The following UBR1 variants were observed in gnomAD, a reference collection of about 807,000 sequenced individuals.
The protein encoded by UBR1 is ubiquitin protein ligase E3 component n-recognin 1.
In UBR1, 102 loss-of-function variants were observed where a neutral mutation model predicts 242.1. The observed-to-expected ratio is 0.42, with a 90% CI of 0.36 to 0.50. The LOEUF (loss-of-function observed/expected upper bound fraction) is 0.50, where lower values mean the gene tolerates loss of function less well. UBR1 is among the 20% of genes least tolerant of loss of function. The pLI, the probability that UBR1 is intolerant of heterozygous loss-of-function variation, is 0.01. For missense variants in UBR1, 1,772 were observed against 2,101.8 expected (o/e 0.84, Z 3.07); for synonymous variants, 675 against 684.8 (o/e 0.99, Z 0.22).
intron 19 of UBR1, among the ~76,000 whole-genome samples, chr15:43,034,424 A>G (rs2033303094): frequency 6.6e-6 from 1 of 151,852 alleles, no homozygotes. Flanking sequence ...TGGGCGACAG[A>G]GTGAGACTCT....
intron 35 of UBR1, among the ~76,000 whole-genome samples, chr15:42,986,962 CAGCA>C (rs2032471370): frequency 6.6e-6 from 1 of 152,242 alleles, no homozygotes; most frequent in Non-Finnish European, 1.5e-5. Context: ...TGACAGGGAG[CAGCA>C]GGAAGCCGCC....
At chr15:43,082,773 G>A (rs542086167) in intron 2 of UBR1, 57 bp from the exon 3 acceptor site, 2 of 1,266,000 alleles carry the variant, frequency 1.6e-6, no homozygotes, top group Admixed American at 1.7e-5. Context: ...TGATGCTCAA[G>A]GTATGACTAT....
In UBR1 at chr15:43,032,617, T is replaced by C. The variant is rs540444912; in HGVS notation, c.2205A>G (p.Gln735=). 8 of 1,527,938 alleles carry C rather than the reference T, an allele frequency of 5.2e-6. No individual in the cohort carries two copies. The highest frequency in any genetic ancestry group is 2.3e-5 in the South Asian group (2 of 88,370). 94.6% of individuals were successfully genotyped at this position (1,527,938 alleles called of 1,614,324 possible). ...ISTKDQDLIK[Q]YNTLIEEMLQ... ...GCATTTCTTCTATTAGTGTATTATA[T>C]TGTTTAATCAAATCCTATAGAATCG... is the stretch of plus-strand genomic sequence containing the variant. Residue 735 remains glutamine (Q), a synonymous_variant, in exon 20 of 47, where the codon CAA becomes CAG. Transcript: ENST00000290650.
At chr15:43,095,214 A>T (rs1324246178) in intron 1 of UBR1, among the ~76,000 whole-genome samples, 1 of 152,240 alleles carries the variant, frequency 6.6e-6, no homozygotes, top group African/African-American at 2.4e-5. Context: ...CAGTGGCTAA[A>T]GTCATTTCTG....
intron 6 of UBR1, among the ~76,000 whole-genome samples, chr15:43,060,708 G>C (rs993223787): frequency 1.3e-5 from 2 of 152,040 alleles, no homozygotes; most frequent in African/African-American, 4.8e-5. Flanking sequence ...CTATGAAGAA[G>C]GTATACCACA....
At chr15:42,955,055 T>C (rs1401409669) in intron 44 of UBR1, among the ~76,000 whole-genome samples, 5 of 152,076 alleles carry the variant, frequency 3.3e-5, no homozygotes, top group Admixed American at 3.3e-4. Flanking sequence ...TAATCCCAGC[T>C]ACTCGGAAGG....
chr15:43,001,441 C>T (rs1474850870), intron 32 of UBR1, among the ~76,000 whole-genome samples: 2 of 152,238 alleles, frequency 1.3e-5, no homozygotes, highest in African/African-American at 4.8e-5. Flanking sequence ...GCCATGGCGT[C>T]CCGCCAGAGC....
chr15:42,975,808 G>A (rs962969481), intron 39 of UBR1, among the ~76,000 whole-genome samples: 2 of 151,890 alleles, frequency 1.3e-5, no homozygotes, highest in African/African-American at 4.8e-5. Context: ...CAAACTCCTG[G>A]GCTCAAGTGA....
chr15:42,998,563 T>G (rs755739055), intron 32 of UBR1, among the ~76,000 whole-genome samples: 3 of 152,204 alleles, frequency 2.0e-5, no homozygotes, highest in Non-Finnish European at 4.4e-5. Context: ...TGTCATTGAT[T>G]TCTCTGATTC....
chr15:43,074,319 T>C (rs1242381963), intron 4 of UBR1, among the ~76,000 whole-genome samples: 1 of 152,218 alleles, frequency 6.6e-6, no homozygotes, highest in African/African-American at 2.4e-5. Context: ...GACATTTTCT[T>C]TAAGAAAAGC....
intron 37 of UBR1, among the ~76,000 whole-genome samples, chr15:42,981,035 T>C (rs2032370083): frequency 6.6e-6 from 1 of 151,890 alleles, no homozygotes; most frequent in Non-Finnish European, 1.5e-5. Flanking sequence ...ATCTTGCCCC[T>C]GACCCAGCCC....
chr15:43,036,094 C>T, intron 19 of UBR1, 84 bp downstream of exon 19: 9 of 1,248,408 alleles, frequency 7.2e-6, no homozygotes, highest in Non-Finnish European at 1.1e-5. Flanking sequence ...AAAAATATGG[C>T]TAAATATGAC....
At chr15:43,031,191 T>C (rs144879169) in intron 20 of UBR1, among the ~76,000 whole-genome samples, 111 of 152,232 alleles carry the variant, frequency 7.3e-4, no homozygotes, top group Non-Finnish European at 1.1e-3. Context: ...AACAAAAATG[T>C]TGACTCCTGA....
chr15:43,036,712 CA>C, intron 17 of UBR1, 119 bp from the exon 18 acceptor site: 1 of 673,850 alleles, frequency 1.5e-6, no homozygotes, highest in Non-Finnish European at 2.6e-6. Context: ...TCCTTAGTGG[CA>C]AAAATAAGTT....
At chr15:43,053,129 C>G (rs559820885) in intron 12 of UBR1, among the ~76,000 whole-genome samples, 12 of 152,144 alleles carry the variant, frequency 7.9e-5, no homozygotes, top group East Asian at 1.9e-4. Context: ...TTCCCCTGGT[C>G]ACTGGAGATA....
chr15:42,986,861 GC>G (rs2032468709), intron 35 of UBR1, among the ~76,000 whole-genome samples: 1 of 152,198 alleles, frequency 6.6e-6, no homozygotes, highest in Admixed American at 6.5e-5. Flanking sequence ...CGGCCAGAGG[GC>G]ACCAACCCCA....
chr15:43,026,505 A>C (rs947858058), intron 23 of UBR1, 56 bp downstream of exon 23: 2 of 1,485,786 alleles, frequency 1.3e-6, no homozygotes, highest in Non-Finnish European at 1.9e-6. Context: ...TTTTCTGTGG[A>C]GTTAGAAAGC....
At chr15:43,030,776 A>G (rs1160796896) in intron 20 of UBR1, among the ~76,000 whole-genome samples, 1 of 152,212 alleles carries the variant, frequency 6.6e-6, no homozygotes, top group East Asian at 1.9e-4. Context: ...GATTTTCAAC[A>G]CTACAGTATC....
At chr15:43,074,737 T>C (rs2033866055) in intron 4 of UBR1, among the ~76,000 whole-genome samples, 1 of 152,174 alleles carries the variant, frequency 6.6e-6, no homozygotes, top group Non-Finnish European at 1.5e-5. Context: ...CTCTTATGTA[T>C]CAAGTTGATT....
Sources: gnomAD v4.1 joint callset for allele counts (sites outside exome capture counted in the v4.1 genomes callset) on GRCh38, gnomAD v4.1.1 for gene constraint, MANE v1.5 for transcripts, NCBI Gene and HGNC (gene_info 2026-07-23, HGNC 2026-07-21) for gene names.